Variants in TANGO6 observed in about 807,000 individuals in gnomAD.
TANGO6 encodes transport and Golgi organization protein 6 homolog.
A neutral mutation model predicts 114.2 loss-of-function variants in TANGO6; 90 were observed. The observed-to-expected ratio is 0.79, with a 90% CI of 0.66 to 0.94. The LOEUF is 0.94. TANGO6 is among the 40% of genes least tolerant of loss of function. The pLI is 0.00. For synonymous variants in TANGO6, 477 were observed against 509.8 expected (o/e 0.94, Z 0.87); for missense variants, 1,274 against 1,315.3 (o/e 0.97, Z 0.49).
chr16:68,932,818 G>C (rs1432588227), intron 14 of TANGO6, among the ~76,000 whole-genome samples: 14 of 151,686 alleles, frequency 9.2e-5, no homozygotes, highest in Admixed American at 9.2e-4. Context: ...AGGACATTAG[G>C]GGAAAACTAA....
intron 7 of TANGO6, among the ~76,000 whole-genome samples, chr16:68,885,053 G>C (rs1379987789): frequency 6.6e-6 from 1 of 152,164 alleles, no homozygotes; most frequent in African/African-American, 2.4e-5. Flanking sequence ...GGTAAACACT[G>C]GGTAAAATTT....
At chr16:68,949,130 A>G (rs536564715) in intron 14 of TANGO6, among the ~76,000 whole-genome samples, 2 of 151,826 alleles carry the variant, frequency 1.3e-5, no homozygotes, top group African/African-American at 4.8e-5. Flanking sequence ...AGGTTGCGGT[A>G]AGCCGAGATC....
chr16:69,055,506 A>T (rs940420773), intron 17 of TANGO6, among the ~76,000 whole-genome samples: 2 of 152,238 alleles, frequency 1.3e-5, no homozygotes, highest in African/African-American at 2.4e-5. Flanking sequence ...AGGAGTCTTA[A>T]TGTTCCAACT....
At chr16:68,915,441 A>G (rs1310827037) in intron 11 of TANGO6, among the ~76,000 whole-genome samples, 1 of 151,706 alleles carries the variant, frequency 6.6e-6, no homozygotes, top group Non-Finnish European at 1.5e-5. Context: ...TAATTTTTTA[A>G]TTTTTTCTAG....
chr16:68,849,264 G>T (rs758312591), intron 1 of TANGO6, among the ~76,000 whole-genome samples: 1 of 152,136 alleles, frequency 6.6e-6, no homozygotes, highest in Non-Finnish European at 1.5e-5. Context: ...AGCCCCTGAG[G>T]CGGAGGTGGC....
At chr16:68,861,494 GTCC>G (rs1567525910) in intron 2 of TANGO6, among the ~76,000 whole-genome samples, 2 of 152,136 alleles carry the variant, frequency 1.3e-5, no homozygotes, top group Admixed American at 6.6e-5. Context: ...AGCAGAGTGC[GTCC>G]TCCTTCCGGC....
At chr16:68,909,151 T>G in intron 10 of TANGO6, 60 bp from the exon 11 acceptor site, 1 of 1,280,150 alleles carries the variant, frequency 7.8e-7, no homozygotes, top group Non-Finnish European at 1.0e-6. Context: ...TGCTTATGTT[T>G]GAGAAGGCCT....
At chr16:68,905,066 T>C (rs538322938) in intron 9 of TANGO6, among the ~76,000 whole-genome samples, 286 of 151,884 alleles carry the variant, frequency 1.9e-3, no homozygotes, top group African/African-American at 5.9e-3. Flanking sequence ...CTACTAAAAA[T>C]ACAAAATTAG....
chr16:68,899,838 A>G (rs1368561284), intron 7 of TANGO6, among the ~76,000 whole-genome samples: 6 of 151,874 alleles, frequency 4.0e-5, no homozygotes, highest in East Asian at 3.9e-4. Context: ...GCCTTAAACA[A>G]TCCTCCCTCC....
At chr16:68,963,065 G>T (rs939488744) in intron 14 of TANGO6, among the ~76,000 whole-genome samples, 5 of 147,454 alleles carry the variant, frequency 3.4e-5, no homozygotes, top group African/African-American at 1.3e-4. Flanking sequence ...CTGTACTCCA[G>T]CCTGGGCGAC....
intron 17 of TANGO6, among the ~76,000 whole-genome samples, chr16:69,048,960 G>C (rs557331185): frequency 2.7e-4 from 41 of 152,176 alleles, no homozygotes; most frequent in African/African-American, 9.9e-4. Context: ...AGATGGGGCC[G>C]GCCTTCTGCA....
Position 68,859,982 on chromosome 16 carries a change from C to T in TANGO6, c.193C>T (p.Pro65Ser), listed in dbSNP as rs1962064453. 2 of 1,613,570 alleles carry T rather than the reference C, an allele frequency of 1.2e-6. No homozygotes were observed. Among genetic ancestry groups the T allele is most frequent in the African/African-American group, 1.3e-5 (1 of 74,914 alleles). The change falls in exon 2 of 18, where the codon CCT becomes TCT. Residue 65 changes from proline to serine, a missense_variant. Pro to Ser is a moderately conservative substitution (Grantham distance 74). Coordinates refer to ENST00000261778, the MANE Select transcript of TANGO6 (RefSeq NM_024562.2). ...TTTGGAGGACAAGTTTCTGAAGGAT[C>T]CTCAGTGGAAGAATCTGAAACTCCT... is the stretch of plus-strand genomic sequence containing the variant. ...SALEDKFLKD[P>S]QWKNLKLLRD...
intron 7 of TANGO6, among the ~76,000 whole-genome samples, chr16:68,891,137 C>A: frequency 6.7e-6 from 1 of 148,600 alleles, no homozygotes; most frequent in Non-Finnish European, 1.5e-5. Flanking sequence ...ACTAAAAATA[C>A]AAAAATTAGC....
At chr16:69,036,687 G>A (rs1233139762) in intron 16 of TANGO6, among the ~76,000 whole-genome samples, 1 of 152,138 alleles carries the variant, frequency 6.6e-6, no homozygotes, top group African/African-American at 2.4e-5. Flanking sequence ...CTTGACCGGG[G>A]TGCAGTAGTT....
intron 7 of TANGO6, among the ~76,000 whole-genome samples, chr16:68,880,862 C>T (rs1962450954): frequency 6.6e-6 from 1 of 151,860 alleles, no homozygotes; most frequent in African/African-American, 2.4e-5. Context: ...GCACTTGAAC[C>T]GTTGGAATGA....
At chr16:68,950,444 A>C (rs1157555882) in intron 14 of TANGO6, among the ~76,000 whole-genome samples, 1 of 151,980 alleles carries the variant, frequency 6.6e-6, no homozygotes. Flanking sequence ...GGGTTCCTAT[A>C]ATCCCAGCTA....
chr16:68,966,160 A>C (rs1963643215), intron 14 of TANGO6, among the ~76,000 whole-genome samples: 1 of 152,216 alleles, frequency 6.6e-6, no homozygotes, highest in African/African-American at 2.4e-5. Flanking sequence ...TAGGAAGTTG[A>C]AGCTGCAGTG....
At chr16:68,931,893 C>T (rs1963244408) in intron 14 of TANGO6, among the ~76,000 whole-genome samples, 2 of 151,926 alleles carry the variant, frequency 1.3e-5, no homozygotes, top group African/African-American at 4.8e-5. Context: ...CTCACTCTGT[C>T]GCCCAGGCTG....
intron 17 of TANGO6, 150 bp downstream of exon 17, chr16:69,040,571 G>GA: frequency 1.5e-6 from 1 of 678,654 alleles, no homozygotes; most frequent in Non-Finnish European, 2.5e-6. Flanking sequence ...GCAGGAAAAT[G>GA]ACCTTGTTTG....
Sources: allele counts gnomAD v4.1 joint callset (sites outside exome capture counted in the v4.1 genomes callset), GRCh38; gene constraint gnomAD v4.1.1; transcripts MANE v1.5; gene names NCBI Gene and HGNC (gene_info 2026-07-23, HGNC 2026-07-21).